Variants in KIF13A observed in about 807,000 individuals in gnomAD.
KIF13A encodes kinesin-like protein KIF13A.
A neutral mutation model predicts 212.2 loss-of-function variants in KIF13A; 79 were observed. The observed-to-expected ratio is 0.37, with a 90% CI of 0.31 to 0.45. KIF13A has a LOEUF of 0.45. KIF13A is among the 20% of genes least tolerant of loss of function. The pLI, the probability that KIF13A is intolerant of heterozygous loss-of-function variation, is 1.00. For synonymous variants in KIF13A, 789 were observed against 808.6 expected (o/e 0.98, Z 0.41); for missense variants, 1,901 against 2,209.0 (o/e 0.86, Z 2.79).
In KIF13A at chr6:17,834,250, G is replaced by C. The variant is rs181157325; in HGVS notation, c.1156-179C>G. Among the ~76,000 whole-genome samples the C allele has an allele frequency of 3.3e-5, 5 of 152,168 alleles. No individual in the cohort carries two copies. The highest frequency in any genetic ancestry group is 1.2e-4 in the African/African-American group (5 of 41,430). ...CAAACGAATGTAAGAGAACATGGCT[G>C]TTCCCTGAAAAAGAAATACCAGTGT... On this transcript the variant is annotated intron_variant, in intron 11 of 38. Coordinates refer to ENST00000259711, the MANE Select transcript of KIF13A (RefSeq NM_022113.6). The surrounding 1 kb of genome is among the most constrained non-coding windows in gnomAD (Gnocchi z 4.0).
chr6:17,854,872 A>G (rs1562059733), intron 6 of KIF13A, among the ~76,000 whole-genome samples: 2 of 152,106 alleles, frequency 1.3e-5, no homozygotes, highest in Non-Finnish European at 2.9e-5. Flanking sequence ...TTAATTGAGA[A>G]AAAGTAAATG....
intron 2 of KIF13A, among the ~76,000 whole-genome samples, chr6:17,954,087 C>A (rs1268305041): frequency 6.6e-6 from 1 of 152,032 alleles, no homozygotes; most frequent in Non-Finnish European, 1.5e-5. Context: ...ATCACGAGGT[C>A]AGGAGATGGA....
chr6:17,895,467 T>C lies in KIF13A; in HGVS notation c.159+2701A>G, dbSNP rs1014979. 0.73 allele frequency among the ~76,000 whole-genome samples: 111,099 copies of C among 152,086 alleles called. 41,114 individuals are homozygous for C. Among genetic ancestry groups the C allele is most frequent in the South Asian group, 0.84 (4,026 of 4,818 alleles). On this transcript the variant is annotated intron_variant, in intron 3 of 38. Coordinates refer to ENST00000259711, the MANE Select transcript of KIF13A (RefSeq NM_022113.6). The surrounding 1 kb of genome is among the most constrained non-coding windows in gnomAD (Gnocchi z 4.4). ...TTTGTTCCAATTTTTGTGCTTGAGA[T>C]TTCCTGGATCATACAAATGGCTTGG...
chr6:17,969,976 G>A (rs1226185642), intron 2 of KIF13A, among the ~76,000 whole-genome samples: 2 of 151,254 alleles, frequency 1.3e-5, no homozygotes, highest in East Asian at 3.9e-4. Flanking sequence ...AGGCCGGAGT[G>A]CAGTGGCGCG....
In KIF13A at chr6:17,974,823, CA is replaced by C. The variant is rs1444188997; in HGVS notation, c.146+12230del. Among the ~76,000 whole-genome samples, 5 of 152,208 alleles carry C rather than the reference CA, an allele frequency of 3.3e-5. No homozygotes were observed. In the East Asian group the frequency reaches 9.6e-4, roughly 29 times the overall value. ...TCCATGTTGCTTAATGCACTGGCCA[CA>C]TATAGCTGTTTAAATCAATGAAAAT... On this transcript the variant is annotated intron_variant, in intron 2 of 38. Coordinates refer to ENST00000259711, the MANE Select transcript of KIF13A (RefSeq NM_022113.6).
intron 17 of KIF13A, among the ~76,000 whole-genome samples, chr6:17,810,079 A>C (rs1763303924): frequency 6.6e-6 from 1 of 152,010 alleles, no homozygotes. Context: ...AAAAACAAAA[A>C]AGGTGATACC....
At chr6:17,941,916 T>C (rs1340680718) in intron 2 of KIF13A, among the ~76,000 whole-genome samples, 1 of 152,038 alleles carries the variant, frequency 6.6e-6, no homozygotes, top group East Asian at 1.9e-4. Flanking sequence ...CTTTGGGACA[T>C]AGGAAAGTTT....
At chr6:17,976,795 C>T (rs1362725387) in intron 2 of KIF13A, among the ~76,000 whole-genome samples, 1 of 147,596 alleles carries the variant, frequency 6.8e-6, no homozygotes, top group East Asian at 2.0e-4. Flanking sequence ...GAGCAAGACT[C>T]CATCTCAAAA....
At chr6:17,938,056 A>G (rs115266499) in intron 2 of KIF13A, among the ~76,000 whole-genome samples, 1 of 69,900 alleles carries the variant, frequency 1.4e-5, no homozygotes, top group East Asian at 4.1e-4. Context: ...CCCTAATTAC[A>G]TAATTTTAAA....
In KIF13A at chr6:17,816,972, C is replaced by A; in HGVS notation, c.2000+48G>T. On this transcript the variant is annotated intron_variant, in intron 17 of 38. Transcript: ENST00000259711. The surrounding 1 kb of genome is among the most constrained non-coding windows in gnomAD (Gnocchi z 4.3). ...CTCAAAAACCCCTCCCTCAAAGACC[C>A]ACGGCCTTGGGGCCTTGACTCTGGG... is the stretch of plus-strand genomic sequence containing the variant. The A allele has an allele frequency of 6.6e-7, 1 of 1,512,320 alleles. No homozygotes were observed. Among genetic ancestry groups the A allele is most frequent in the Non-Finnish European group, 9.0e-7 (1 of 1,114,606 alleles). The allele number at this position is 1,512,320 out of a possible 1,614,324, so 93.7% of individuals were successfully genotyped here.
At chr6:17,784,334 CT>C (rs1760862847) in intron 28 of KIF13A, among the ~76,000 whole-genome samples, 1 of 152,058 alleles carries the variant, frequency 6.6e-6, no homozygotes, top group South Asian at 2.1e-4. Context: ...GGGAGGATGG[CT>C]TGAACCTGGG....
intron 25 of KIF13A, among the ~76,000 whole-genome samples, chr6:17,790,754 C>T (rs967384839): frequency 2.6e-5 from 4 of 152,142 alleles, no homozygotes; most frequent in Non-Finnish European, 5.9e-5. Flanking sequence ...AAAGCTGGGG[C>T]AACCTCAGGC....
chr6:17,761,448 A>G (rs1048573085), downstream of KIF13A, among the ~76,000 whole-genome samples: 1 of 152,066 alleles, frequency 6.6e-6, no homozygotes, highest in Non-Finnish European at 1.5e-5. Flanking sequence ...CAATGGCACA[A>G]TCTCAGCTCA....
chr6:17,823,139 C>T (rs1015180514), intron 16 of KIF13A, among the ~76,000 whole-genome samples: 27 of 151,442 alleles, frequency 1.8e-4, no homozygotes, highest in African/African-American at 4.1e-4. Flanking sequence ...CGGGTTCAAG[C>T]GATTCTCCTG....
chr6:17,929,074 A>C (rs889045386), intron 2 of KIF13A, among the ~76,000 whole-genome samples: 8 of 151,688 alleles, frequency 5.3e-5, no homozygotes, highest in South Asian at 2.1e-4. Flanking sequence ...AAAAAAAAAA[A>C]AAAAAAAAAC....
chr6:17,831,071 G>A (rs1581450601), intron 13 of KIF13A, 30 bp downstream of exon 13: 1 of 1,592,408 alleles, frequency 6.3e-7, no homozygotes, highest in East Asian at 2.2e-5. Flanking sequence ...AATGAATCTT[G>A]ATTGCATATG....
chr6:17,969,821 A>C (rs1779648338), intron 2 of KIF13A, among the ~76,000 whole-genome samples: 1 of 152,180 alleles, frequency 6.6e-6, no homozygotes, highest in Non-Finnish European at 1.5e-5. Flanking sequence ...TATATTTAGG[A>C]TATTTAACAG....
rs1359438602 is a variant in KIF13A, at chr6:17,772,098, A to T, written c.4325-39T>A. ...GAAGTTATGAGGTTACAGATGCTGA[A>T]CACTTTAAGCAAAACATAGGAACTG... On this transcript the variant is annotated intron_variant, in intron 36 of 38. Coordinates refer to ENST00000259711, the MANE Select transcript of KIF13A (RefSeq NM_022113.6). This position sits in a 1 kb window ranked among gnomAD's most constrained non-coding sequence, Gnocchi z 4.8. The T allele has an allele frequency of 5.0e-6, 8 of 1,597,774 alleles. No individual in the cohort carries two copies. The highest frequency in any genetic ancestry group is 6.9e-6 in the Non-Finnish European group (8 of 1,166,904).
chr6:17,948,817 C>T (rs747956356), intron 2 of KIF13A, among the ~76,000 whole-genome samples: 1 of 151,974 alleles, frequency 6.6e-6, no homozygotes, highest in African/African-American at 2.4e-5. Flanking sequence ...CCACCCGTTT[C>T]GGCCCCTCAA....
Sources: gnomAD v4.1 joint callset for allele counts (sites outside exome capture counted in the v4.1 genomes callset) on GRCh38, gnomAD v4.1.1 for gene constraint, Gnocchi (gnomAD v3.1) non-coding constraint, MANE v1.5 for transcripts, NCBI Gene and HGNC (gene_info 2026-07-23, HGNC 2026-07-21) for gene names.